The following ETFBKMT variants were observed in gnomAD, a reference collection of about 807,000 sequenced individuals.
ETFBKMT encodes the protein electron transfer flavoprotein subunit beta lysine methyltransferase.
A neutral mutation model predicts 18.3 loss-of-function variants in ETFBKMT; 13 were observed. The ratio of observed to expected loss-of-function variants is 0.71; its 90% CI spans 0.46 to 1.13. The LOEUF is 1.13. Ranked by LOEUF, ETFBKMT falls within the 50% of genes most tolerant of loss-of-function variation. The pLI, the probability that ETFBKMT is intolerant of heterozygous loss-of-function variation, is 0.00. For synonymous variants in ETFBKMT, 84 were observed against 107.9 expected, an observed-to-expected ratio of 0.78 and a Z score of 1.37; for missense variants, 293 against 306.2, an observed-to-expected ratio of 0.96 and a Z score of 0.32.
In ETFBKMT at chr12:31,665,182, C is replaced by T. The variant is rs532459599; in HGVS notation, c.315-905C>T. On this transcript the variant is annotated intron_variant, in intron 2 of 3. Coordinates refer to ENST00000357721, the MANE Select transcript of ETFBKMT (RefSeq NM_001135863.2). The stretch of plus-strand genomic sequence containing the variant: ...GAACTCCTGACCTCAGGTGATCCAC[C>T]TGCTCAGCCTCCCAAAGTGCTGGGA... Among the ~76,000 whole-genome samples, 17 of 152,020 alleles carry T rather than the reference C, an allele frequency of 1.1e-4. No homozygotes were observed. The East Asian group carries it at 3.1e-3, about 28-fold the overall frequency.
chr12:31,649,868 T>C (rs374078871), intron 1 of ETFBKMT, among the ~76,000 whole-genome samples: 3 of 149,424 alleles, frequency 2.0e-5, no homozygotes, highest in Non-Finnish European at 4.4e-5. Flanking sequence ...GCAATTCTCC[T>C]GCCTCAGCCC....
upstream of ETFBKMT, among the ~76,000 whole-genome samples, chr12:31,655,345 G>C (rs1951052771): frequency 6.6e-6 from 1 of 152,088 alleles, no homozygotes; most frequent in East Asian, 1.9e-4. Context: ...CCAGATAACT[G>C]CCCTCACAAA....
chr12:31,655,201 A>G (rs1431047480), upstream of ETFBKMT, among the ~76,000 whole-genome samples: 2 of 152,188 alleles, frequency 1.3e-5, no homozygotes, highest in African/African-American at 4.8e-5. Context: ...TATACTGTAA[A>G]GGAACATAAA....
chr12:31,649,706 G>C (rs1480212141), intron 1 of ETFBKMT, among the ~76,000 whole-genome samples: 1 of 151,028 alleles, frequency 6.6e-6, no homozygotes, highest in East Asian at 1.9e-4. Flanking sequence ...TATTGTAATT[G>C]TTTTGGAGCA....
intron 1 of ETFBKMT, among the ~76,000 whole-genome samples, chr12:31,651,200 A>G (rs945155576): frequency 6.6e-6 from 1 of 152,132 alleles, no homozygotes; most frequent in Non-Finnish European, 1.5e-5. Flanking sequence ...TTAATCAGAA[A>G]CCAGCATGGA....
At chr12:31,649,769 C>T (rs374317804) in intron 1 of ETFBKMT, among the ~76,000 whole-genome samples, 2 of 142,792 alleles carry the variant, frequency 1.4e-5, no homozygotes, top group Admixed American at 7.0e-5. Flanking sequence ...TTTTCCTTTT[C>T]TTTTTTTTTT....
At chr12:31,652,058 T>C (rs1296941541) in intron 1 of ETFBKMT, among the ~76,000 whole-genome samples, 1 of 152,106 alleles carries the variant, frequency 6.6e-6, no homozygotes, top group Non-Finnish European at 1.5e-5. Context: ...ATTTCCATAA[T>C]AAGATTAGGG....
intron 2 of ETFBKMT, among the ~76,000 whole-genome samples, chr12:31,664,926 C>A (rs1467052276): frequency 1.4e-5 from 2 of 139,548 alleles, no homozygotes; most frequent in Non-Finnish European, 3.1e-5. Context: ...TTATACATTT[C>A]TTTTCTTTCT....
chr12:31,664,599 T>C (rs1165528243), intron 2 of ETFBKMT, among the ~76,000 whole-genome samples: 1 of 151,470 alleles, frequency 6.6e-6, no homozygotes, highest in Non-Finnish European at 1.5e-5. Context: ...ACAGTATTTA[T>C]ACATTTCTTT....
intron 1 of ETFBKMT, among the ~76,000 whole-genome samples, chr12:31,652,898 T>C (rs73303808): frequency 0.011 from 1,641 of 152,340 alleles, 31 homozygotes; most frequent in African/African-American, 0.037. Context: ...AGTATTTCCA[T>C]CATATCTTAC....
At chr12:31,655,414 T>A (rs1315136496), upstream of ETFBKMT, among the ~76,000 whole-genome samples, 1 of 152,118 alleles carries the variant, frequency 6.6e-6, no homozygotes, top group East Asian at 1.9e-4. Context: ...TAATAAATCC[T>A]CCCATAAACA....
At chr12:31,666,253 CTT>C in intron 3 of ETFBKMT, 36 bp downstream of exon 3, 3 of 1,429,076 alleles carry the variant, frequency 2.1e-6, no homozygotes, top group African/African-American at 1.5e-5. Flanking sequence ...TAAGGCTCAT[CTT>C]TTTTTTTTCT....
At chr12:31,661,635 A>G (rs2139620338) in intron 1 of ETFBKMT, among the ~76,000 whole-genome samples, 1 of 152,054 alleles carries the variant, frequency 6.6e-6, no homozygotes, top group South Asian at 2.1e-4. Flanking sequence ...AATTTTTTGT[A>G]TTTTTAGTAG....
Position 31,672,227 on chromosome 12 carries a change from T to C in ETFBKMT, c.*4237T>C. 1 of 951,288 alleles carries C rather than the reference T, an allele frequency of 1.1e-6. No individual in the cohort carries two copies. The highest frequency in any genetic ancestry group is 2.6e-5 in the East Asian group (1 of 37,990). The allele number at this position is 951,288 out of a possible 1,614,324, so 58.9% of individuals were successfully genotyped here. A position where few individuals can be genotyped will look rare whatever the true frequency, so the allele number is the denominator to read the frequency against. On this transcript the variant is annotated 3_prime_UTR_variant, in exon 4 of 4. Transcript: ENST00000357721. ...AAAATAGTGTTAACATTAAGTAGAATGCAAATCTCTATAGATGGTTTCCTG... is the reference window on the plus strand; with the variant it reads ...AAAATAGTGTTAACATTAAGTAGAACGCAAATCTCTATAGATGGTTTCCTG...
At chr12:31,652,835 T>G (rs989912429) in intron 1 of ETFBKMT, among the ~76,000 whole-genome samples, 36 of 152,188 alleles carry the variant, frequency 2.4e-4, no homozygotes, top group African/African-American at 8.4e-4. Flanking sequence ...GTGTTATAGA[T>G]TATACCAAAT....
At chr12:31,656,026 T>C (rs541530794), upstream of ETFBKMT, among the ~76,000 whole-genome samples, 10 of 152,318 alleles carry the variant, frequency 6.6e-5, no homozygotes, top group African/African-American at 2.4e-4. Flanking sequence ...TGATATGTAA[T>C]GTTTGTTATT....
intron 1 of ETFBKMT, among the ~76,000 whole-genome samples, chr12:31,649,902 A>C (rs369193363): frequency 6.7e-6 from 1 of 148,354 alleles, no homozygotes; most frequent in African/African-American, 2.5e-5. Context: ...GATTACAGGC[A>C]CGTACCACCA....
At chr12:31,655,223 C>T (rs1254931627), upstream of ETFBKMT, among the ~76,000 whole-genome samples, 1 of 151,946 alleles carries the variant, frequency 6.6e-6, no homozygotes, top group Non-Finnish European at 1.5e-5. Context: ...ACTCTCAAAA[C>T]CCCCAAACTC....
intron 2 of ETFBKMT, among the ~76,000 whole-genome samples, chr12:31,665,228 G>A (rs1384266829): frequency 6.6e-6 from 1 of 152,156 alleles, no homozygotes; most frequent in Non-Finnish European, 1.5e-5. Context: ...GAGCCACTGT[G>A]CCCAGCCTAC....
Sources: allele counts gnomAD v4.1 joint callset (sites outside exome capture counted in the v4.1 genomes callset), GRCh38; gene constraint gnomAD v4.1.1; transcripts MANE v1.5; gene names NCBI Gene and HGNC (gene_info 2026-07-23, HGNC 2026-07-21).